ZC3H12B: variants seen among roughly 807,000 people sequenced by gnomAD.
ZC3H12B encodes the protein zinc finger CCCH-type containing 12B.
Under a neutral mutation model 43.9 loss-of-function variants are expected in ZC3H12B, and 7 were observed. That is an observed-to-expected ratio of 0.16 (90% CI 0.09 to 0.30). The LOEUF (loss-of-function observed/expected upper bound fraction) is 0.30. Among genes scored for constraint, ZC3H12B ranks in the 10% least tolerant of loss-of-function variants. ZC3H12B has a pLI of 1.00. For synonymous variants in ZC3H12B, 222 were observed against 241.7 expected, an observed-to-expected ratio of 0.92 and a Z score of 0.76; for missense variants, 475 against 670.2, an observed-to-expected ratio of 0.71 and a Z score of 3.22.
the ZC3H12B span, among the ~76,000 whole-genome samples, chrX:65,303,189 G>C: frequency 9.1e-6 from 1 of 110,354 alleles, no homozygotes; most frequent in African/African-American, 3.3e-5. Flanking sequence ...TTTTTTTCAA[G>C]AACTTAAAGT....
At chrX:65,291,613 G>A in the ZC3H12B span, among the ~76,000 whole-genome samples, 4 of 111,953 alleles carry the variant, frequency 3.6e-5, no homozygotes, top group African/African-American at 1.3e-4. Flanking sequence ...TAGAACCAGA[G>A]TGTAAAATGG....
chrX:65,362,026 C>T (rs1286369729), upstream of ZC3H12B, among the ~76,000 whole-genome samples: 2 of 112,083 alleles, frequency 1.8e-5, no homozygotes, highest in Non-Finnish European at 3.8e-5. Context: ...CCAACAAATG[C>T]CCACAGCCCG....
the ZC3H12B span, among the ~76,000 whole-genome samples, chrX:65,247,071 G>T: frequency 9.1e-6 from 1 of 110,459 alleles, no homozygotes; most frequent in Non-Finnish European, 1.9e-5. Flanking sequence ...AAACAACCCC[G>T]TTATAAAGTG....
the ZC3H12B span, among the ~76,000 whole-genome samples, chrX:65,127,462 G>A: frequency 5.4e-5 from 6 of 111,206 alleles, no homozygotes; most frequent in African/African-American, 2.0e-4. Context: ...TTAGTGCATT[G>A]GTTTTGTGTT....
chrX:65,342,413 A>C, the ZC3H12B span, among the ~76,000 whole-genome samples: 1 of 112,086 alleles, frequency 8.9e-6, no homozygotes, highest in East Asian at 2.8e-4. Context: ...ATTGGACATA[A>C]AACACTCTTT....
At chrX:65,371,783 C>T (rs1048484931) in intron 2 of ZC3H12B, among the ~76,000 whole-genome samples, 1 of 111,630 alleles carries the variant, frequency 9.0e-6, no homozygotes, top group African/African-American at 3.3e-5. Context: ...AGCTGTAACA[C>T]TCAGGCATAC....
chrX:65,328,151 A>G, the ZC3H12B span: 3 of 217,722 alleles, frequency 1.4e-5, no homozygotes, highest in Non-Finnish European at 2.8e-5. Flanking sequence ...CATTGCTCCA[A>G]TTTATACAAA....
At chrX:65,394,492 G>C (rs753604444) in intron 2 of ZC3H12B, among the ~76,000 whole-genome samples, 1 of 111,897 alleles carries the variant, frequency 8.9e-6, no homozygotes, top group Non-Finnish European at 1.9e-5. Context: ...TGTCAGGTTT[G>C]TCAAAGATCA....
intron 3 of ZC3H12B, among the ~76,000 whole-genome samples, chrX:65,453,359 CATATATATATATATATAT>C (rs1159840122): frequency 4.9e-3 from 134 of 27,181 alleles, no homozygotes; most frequent in African/African-American, 0.013. Flanking sequence ...AGCTCAAATG[CATATATATATATATATAT>C]ATATATATAT....
intron 3 of ZC3H12B, among the ~76,000 whole-genome samples, chrX:65,406,872 C>A (rs1005916897): frequency 5.3e-5 from 6 of 112,529 alleles, no homozygotes; most frequent in Admixed American, 9.3e-5. Context: ...CCCGCGGCGA[C>A]CAAAATCTCC....
At chrX:65,412,321 T>C (rs1246720646) in intron 3 of ZC3H12B, among the ~76,000 whole-genome samples, 2 of 112,436 alleles carry the variant, frequency 1.8e-5, no homozygotes, top group African/African-American at 3.2e-5. Flanking sequence ...TCAGTACTTA[T>C]AGCATGTGTC....
the ZC3H12B span, among the ~76,000 whole-genome samples, chrX:65,188,190 T>A: frequency 9.0e-6 from 1 of 111,448 alleles, no homozygotes; most frequent in Admixed American, 9.6e-5. Context: ...AAACACATTT[T>A]TAAAAATCTA....
chrX:65,446,677 C>T (rs2067381659), intron 3 of ZC3H12B, among the ~76,000 whole-genome samples: 2 of 111,861 alleles, frequency 1.8e-5, no homozygotes, highest in East Asian at 2.8e-4. Context: ...TATTCACCCT[C>T]CCTCAAACTC....
chrX:65,154,677 C>T, the ZC3H12B span, among the ~76,000 whole-genome samples: 1 of 110,975 alleles, frequency 9.0e-6, no homozygotes, highest in Admixed American at 9.7e-5. Flanking sequence ...TGTGAGACCC[C>T]CATCTCTACA....
the ZC3H12B span, among the ~76,000 whole-genome samples, chrX:65,101,255 G>A: frequency 8.0e-5 from 9 of 111,982 alleles, no homozygotes; most frequent in African/African-American, 2.9e-4. Context: ...AGTGTTTAGA[G>A]GGAAATTTAT....
chrX:65,074,830 G>A, the ZC3H12B span, among the ~76,000 whole-genome samples: 2 of 111,899 alleles, frequency 1.8e-5, no homozygotes, highest in Non-Finnish European at 3.8e-5. Context: ...TATGTTTTCA[G>A]TTGATTTGTT....
chrX:65,320,024 A>C, the ZC3H12B span, among the ~76,000 whole-genome samples: 2 of 111,282 alleles, frequency 1.8e-5, no homozygotes, highest in Non-Finnish European at 3.8e-5. Flanking sequence ...CACTCCTATT[A>C]AATATAGTAT....
At chrX:65,398,325 A>C (rs939973565) in intron 2 of ZC3H12B, among the ~76,000 whole-genome samples, 1 of 112,249 alleles carries the variant, frequency 8.9e-6, no homozygotes, top group Non-Finnish European at 1.9e-5. Context: ...TATCCTGAGC[A>C]AAAAGAACAA....
chrX:65,499,872 C>A lies in ZC3H12B; in HGVS notation c.984-11C>A, dbSNP rs745734046. 6 of 1,201,592 alleles carry A rather than the reference C, an allele frequency of 5.0e-6. No homozygotes were observed. The East Asian group carries it at 1.8e-4, about 36-fold the overall frequency. ...AAGGAAGACAGTCACCTCTTGCTTACTTGCTTTCAGATTTATGCCTCCAGA... is the reference window on the plus strand; with the variant it reads ...AAGGAAGACAGTCACCTCTTGCTTAATTGCTTTCAGATTTATGCCTCCAGA... On this transcript the variant is annotated splice_polypyrimidine_tract_variant and intron_variant, in intron 3 of 4. Transcript: ENST00000338957.
Sources: allele counts gnomAD v4.1 joint callset (sites outside exome capture counted in the v4.1 genomes callset), GRCh38; gene constraint gnomAD v4.1.1; transcripts MANE v1.5; gene names NCBI Gene and HGNC (gene_info 2026-07-23, HGNC 2026-07-21).